The following AXIN1 variants were observed in gnomAD, a reference collection of about 807,000 sequenced individuals.
AXIN1 encodes the protein axin 1.
In AXIN1, 30 loss-of-function variants were observed where a neutral mutation model predicts 76.4. The ratio of observed to expected loss-of-function variants is 0.39; its 90% CI spans 0.29 to 0.53. The LOEUF (loss-of-function observed/expected upper bound fraction) is 0.53, where lower values mean the gene tolerates loss of function less well. Ranked by LOEUF, AXIN1 falls within the 20% of genes least tolerant of loss-of-function variation. The pLI is 0.66. For synonymous variants in AXIN1, 545 were observed against 501.4 expected (o/e 1.09, Z -1.16); for missense variants, 1,140 against 1,198.8 (o/e 0.95, Z 0.72).
At chr16:328,116 G>C (rs72765851) in intron 2 of AXIN1, among the ~76,000 whole-genome samples, 1 of 152,220 alleles carries the variant, frequency 6.6e-6, no homozygotes, top group Non-Finnish European at 1.5e-5. Flanking sequence ...CAAGGGCTGG[G>C]CGGGGTAGCT....
Position 289,495 on chromosome 16 carries a change from G to T in AXIN1, c.2407C>A (p.Arg803Ser), listed in dbSNP as rs151104297. The change falls in exon 10 of 11, where the codon CGC becomes AGC. Residue 803 changes from arginine to serine, a missense_variant. Transcript: ENST00000262320. ...TTGAACTGGCCCAGGGTGACAGCGCGGCCCCTCACCAGGGTGCGGTAGGGG... is the reference window on the plus strand; with the variant it reads ...TTGAACTGGCCCAGGGTGACAGCGCTGCCCCTCACCAGGGTGCGGTAGGGG... ...PIPYRTLVRGRAVTLGQFKEL... is the reference protein window; with the variant it reads ...PIPYRTLVRGSAVTLGQFKEL... 1.9e-6 allele frequency: 3 copies of T among 1,612,828 alleles called. No individual in the cohort carries two copies. The highest frequency in any genetic ancestry group is 3.3e-5 in the Admixed American group (2 of 60,000).
chr16:316,082 T>C (rs2053296089), intron 2 of AXIN1, among the ~76,000 whole-genome samples: 1 of 151,972 alleles, frequency 6.6e-6, no homozygotes, highest in African/African-American at 2.4e-5. Flanking sequence ...CAATCAGATA[T>C]TCCAATCTTT....
Position 346,465 on chromosome 16 carries a change from G to A in AXIN1, c.561C>T (p.Thr187=), listed in dbSNP as rs149775058. Residue 187 remains threonine, a synonymous_variant, in exon 2 of 11, where the codon ACC becomes ACT. Transcript: ENST00000262320. ...IDPAMFDQAQ[T]EIQATMEENT... ...TTTCCTCCATAGTGGCCTGGATTTC[G>A]GTCTGGGCCTGGTCAAACATGGCAG... 8.9e-5 allele frequency: 144 copies of A among 1,614,004 alleles called. No individual in the cohort carries two copies. The highest frequency in any genetic ancestry group is 2.1e-4 in the South Asian group (19 of 91,072).
At chr16:325,298 AGTGCCCCCCGCTGCTCC>A (rs975433639) in intron 2 of AXIN1, among the ~76,000 whole-genome samples, 9 of 131,314 alleles carry the variant, frequency 6.9e-5, no homozygotes, top group Admixed American at 1.5e-4. Flanking sequence ...ATGGGGAGCT[AGTGCCCCCCGCTGCTCC>A]GGCGCCCCCT....
chr16:316,151 T>C (rs2053297534), intron 2 of AXIN1, among the ~76,000 whole-genome samples: 1 of 152,228 alleles, frequency 6.6e-6, no homozygotes, highest in African/African-American at 2.4e-5. Context: ...TATTCCAGAA[T>C]TACACATATA....
In AXIN1 at chr16:297,603, G is replaced by C. The variant is rs1596996448; in HGVS notation, c.1784+119C>G. 5 of 1,368,096 alleles carry C rather than the reference G, an allele frequency of 3.7e-6. No individual in the cohort carries two copies. The East Asian group carries it at 1.3e-4, about 35-fold the overall frequency. The allele number at this position is 1,368,096 out of a possible 1,614,324, so 84.7% of individuals were successfully genotyped here. ...GCCCAGTCCACTCCCTCCAGCAGAG[G>C]GGCCTCCTGCCTGTTGCTGGCGGTC... is the stretch of plus-strand genomic sequence containing the variant. On this transcript the variant is annotated intron_variant, in intron 6 of 10. Coordinates refer to ENST00000262320, the MANE Select transcript of AXIN1 (RefSeq NM_003502.4).
At chr16:305,392 A>G (rs913051125) in intron 4 of AXIN1, among the ~76,000 whole-genome samples, 6 of 152,118 alleles carry the variant, frequency 3.9e-5, no homozygotes, top group African/African-American at 9.7e-5. Flanking sequence ...ATCGGATCGC[A>G]TAAGTCCTGG....
At chr16:338,058 C>T (rs1321886382) in intron 2 of AXIN1, among the ~76,000 whole-genome samples, 2 of 152,192 alleles carry the variant, frequency 1.3e-5, no homozygotes, top group Non-Finnish European at 2.9e-5. Context: ...AAGTAGGCAG[C>T]GGAGGGGCCC....
In AXIN1 at chr16:338,927, G is replaced by GA. The variant is rs748212713; in HGVS notation, c.878+7220dup. Among the ~76,000 whole-genome samples the GA allele has an allele frequency of 8.0e-3, 1,140 of 141,886 alleles. 11 individuals are homozygous for GA. The highest frequency in any genetic ancestry group is 0.01 in the Non-Finnish European group (654 of 64,746). 93.1% of individuals were successfully genotyped at this position (141,886 alleles called of 152,430 possible). On this transcript the variant is annotated intron_variant, in intron 2 of 10. Coordinates refer to ENST00000262320, the MANE Select transcript of AXIN1 (RefSeq NM_003502.4). ...GACAAGAGCGAAACTCCATCTTGGG[G>GA]AAAAAAAAAAAAAGTGGGATGCAAG...
At chr16:351,246 T>C (rs1182043252) in intron 1 of AXIN1, among the ~76,000 whole-genome samples, 2 of 152,062 alleles carry the variant, frequency 1.3e-5, no homozygotes, top group African/African-American at 4.8e-5. Flanking sequence ...AGATTCTTCC[T>C]GAAGAAGCAG....
intron 1 of AXIN1, among the ~76,000 whole-genome samples, chr16:349,034 C>T (rs925954585): frequency 3.3e-5 from 5 of 150,974 alleles, no homozygotes; most frequent in Non-Finnish European, 7.4e-5. Flanking sequence ...GGAGGCAGAG[C>T]TTGCAGTGAG....
intron 2 of AXIN1, among the ~76,000 whole-genome samples, chr16:343,213 T>C (rs2053964063): frequency 6.6e-6 from 1 of 152,142 alleles, no homozygotes; most frequent in African/African-American, 2.4e-5. Flanking sequence ...GAGAAGCCAA[T>C]GTATCCCACT....
In AXIN1 at chr16:298,027, G is replaced by A. The variant is rs2141513260; in HGVS notation, c.1479C>T (p.Ser493=). The change falls in exon 6 of 11, where the codon TCC becomes TCT. Residue 493 remains serine, a synonymous_variant. Coordinates refer to ENST00000262320, the MANE Select transcript of AXIN1 (RefSeq NM_003502.4). ...GRQSPGPGHR[S]PDSGHVAKMP... is the part of the protein sequence containing the mutation. The stretch of plus-strand genomic sequence containing the variant: ...TCTTGGCCACGTGCCCACTGTCCGG[G>A]GAGCGATGGCCAGGCCCAGGCGACT... 2 of 1,593,328 alleles carry A rather than the reference G, an allele frequency of 1.3e-6. No homozygotes were observed. Among genetic ancestry groups the A allele is most frequent in the Non-Finnish European group, 8.5e-7 (1 of 1,175,490 alleles).
chr16:320,980 T>C (rs938662149), intron 2 of AXIN1, among the ~76,000 whole-genome samples: 10 of 152,230 alleles, frequency 6.6e-5, no homozygotes, highest in Non-Finnish European at 1.0e-4. Context: ...CCTTGTGATC[T>C]GCCCGCCTCG....
At chr16:313,795 G>A (rs1597045026) in intron 3 of AXIN1, among the ~76,000 whole-genome samples, 1 of 152,358 alleles carries the variant, frequency 6.6e-6, no homozygotes, top group East Asian at 1.9e-4. Flanking sequence ...AGCCAGCTGC[G>A]AAGCACAGGG....
chr16:304,524 A>C (rs1298946822), intron 4 of AXIN1, 83 bp from the exon 5 acceptor site: 40 of 1,587,594 alleles, frequency 2.5e-5, no homozygotes, highest in Non-Finnish European at 3.4e-5. Context: ...AGCGTGTGCT[A>C]TCTCTGTTGT....
chr16:347,242 A>G lies in AXIN1; in HGVS notation c.-81-136T>C, dbSNP rs1007245305. 5 of 820,272 alleles carry G rather than the reference A, an allele frequency of 6.1e-6. 1 individual carries two copies. The highest frequency in any genetic ancestry group is 1.8e-5 in the South Asian group (1 of 54,758). 50.8% of individuals were successfully genotyped at this position (820,272 alleles called of 1,614,324 possible). ...GCAAGAAACTCAGTTTAAATGTTCAATCAAGATATATTTTGGCCACAAGCA... is the reference window on the plus strand; with the variant it reads ...GCAAGAAACTCAGTTTAAATGTTCAGTCAAGATATATTTTGGCCACAAGCA... On this transcript the variant is annotated intron_variant, in intron 1 of 10. Transcript: ENST00000262320.
chr16:343,264 C>T (rs1459992694), intron 2 of AXIN1, among the ~76,000 whole-genome samples: 3 of 152,200 alleles, frequency 2.0e-5, no homozygotes, highest in African/African-American at 2.4e-5. Flanking sequence ...TACAGCAAAC[C>T]AAGGACAGAC....
At chr16:346,098 C>G in intron 2 of AXIN1, 50 bp downstream of exon 2, 4 of 1,586,496 alleles carry the variant, frequency 2.5e-6, no homozygotes, top group Non-Finnish European at 3.4e-6. Flanking sequence ...GGCTTGTTCT[C>G]CAGCTCTCGG....
Sources: allele counts gnomAD v4.1 joint callset (sites outside exome capture counted in the v4.1 genomes callset), GRCh38; gene constraint gnomAD v4.1.1; transcripts MANE v1.5; gene names NCBI Gene and HGNC (gene_info 2026-07-23, HGNC 2026-07-21).